PPP1R12B: variants seen among roughly 807,000 people sequenced by gnomAD.
The protein encoded by PPP1R12B is protein phosphatase 1 regulatory subunit 12B.
A neutral mutation model predicts 126.1 loss-of-function variants in PPP1R12B; 76 were observed. That is an observed-to-expected ratio of 0.60 (90% CI 0.50 to 0.73). The LOEUF is 0.73. PPP1R12B is among the 30% of genes least tolerant of loss of function. The probability of loss-of-function intolerance (pLI) is 0.00; values close to 1 mark genes in which losing one functional copy is unlikely to be tolerated. For synonymous variants in PPP1R12B, 356 were observed against 434.7 expected (o/e 0.82, Z 2.25); for missense variants, 1,052 against 1,205.1 (o/e 0.87, Z 1.88).
In PPP1R12B at chr1:202,591,998, T is replaced by C. The variant is rs906626587; in HGVS notation, c.*11438T>C. ...AAGCCCTGGACACCGTCCATTCTCA[T>C]GACACGGGACTGAGGGAGCAGGAGG... On this transcript the variant is annotated 3_prime_UTR_variant, in exon 24 of 24. Coordinates refer to ENST00000608999, the MANE Select transcript of PPP1R12B (RefSeq NM_002481.4). 2.0e-5 allele frequency: 3 copies of C among 152,878 alleles called. No individual in the cohort carries two copies. The highest frequency in any genetic ancestry group is 7.2e-5 in the African/African-American group (3 of 41,462). The allele number at this position is 152,878 out of a possible 1,614,324, so 9.5% of individuals were successfully genotyped here. A position where few individuals can be genotyped will look rare whatever the true frequency, so the allele number is the denominator to read the frequency against.
chr1:202,457,321 G>A (rs1174035274), intron 13 of PPP1R12B, among the ~76,000 whole-genome samples: 4 of 151,988 alleles, frequency 2.6e-5, no homozygotes, highest in South Asian at 2.1e-4. Context: ...AGGCCGAGGC[G>A]GGTGGACTGC....
chr1:202,432,675 T>C (rs1180445590), intron 8 of PPP1R12B, among the ~76,000 whole-genome samples: 1 of 152,196 alleles, frequency 6.6e-6, no homozygotes, highest in Non-Finnish European at 1.5e-5. Context: ...CAGGTTTTGA[T>C]TTATAGTCAG....
At chr1:202,553,506 A>G (rs3767401) in intron 18 of PPP1R12B, among the ~76,000 whole-genome samples, 62,364 of 152,028 alleles carry the variant, frequency 0.41, 14,748 homozygotes, top group East Asian at 0.7. Flanking sequence ...TGGAGAAAAG[A>G]TTCATGCCTT....
chr1:202,392,610 C>T (rs1664307688), intron 1 of PPP1R12B, among the ~76,000 whole-genome samples: 1 of 151,758 alleles, frequency 6.6e-6, no homozygotes, highest in South Asian at 2.1e-4. Flanking sequence ...CAACCTCTGC[C>T]TCCTGGGCTT....
At chr1:202,533,160 A>G (rs1684147818) in intron 18 of PPP1R12B, among the ~76,000 whole-genome samples, 1 of 151,960 alleles carries the variant, frequency 6.6e-6, no homozygotes, top group Non-Finnish European at 1.5e-5. Flanking sequence ...TGACACATTC[A>G]CATTTTTACC....
chr1:202,408,949 T>C lies in PPP1R12B; in HGVS notation c.292-7838T>C, dbSNP rs558421043. 5.9e-5 allele frequency among the ~76,000 whole-genome samples: 9 copies of C among 151,468 alleles called. No homozygotes were observed. The East Asian group carries it at 1.4e-3, about 23-fold the overall frequency. On this transcript the variant is annotated intron_variant, in intron 1 of 23. Transcript: ENST00000608999. The stretch of plus-strand genomic sequence containing the variant: ...ACCTCCCAGGCTCAAGCAATTCTTA[T>C]GCCTCAGCCTCCTAAGTAGCTGGGA...
intron 18 of PPP1R12B, 40 bp downstream of exon 18, chr1:202,496,862 A>C (rs533337780): frequency 1.3e-6 from 2 of 1,568,278 alleles, no homozygotes; most frequent in Admixed American, 3.4e-5. Flanking sequence ...TTGAGAGCAC[A>C]GTCTTGCTCT....
rs191009799 is a variant in PPP1R12B at position 202,513,668 on chromosome 1, C to G, written c.2490+16846C>G. On this transcript the variant is annotated intron_variant, in intron 18 of 23. Transcript: ENST00000608999. ...GTGATTCCCAACTTCTTTTCTTCCC[C>G]AGAATTCTGATGGATATGAGGTACT... Among the ~76,000 whole-genome samples the G allele has an allele frequency of 2.9e-4, 44 of 152,236 alleles. No homozygotes were observed. In the East Asian group the frequency reaches 6.8e-3, roughly 23 times the overall value.
intron 18 of PPP1R12B, among the ~76,000 whole-genome samples, chr1:202,501,354 A>G (rs952608696): frequency 2.6e-5 from 4 of 152,196 alleles, no homozygotes; most frequent in African/African-American, 9.7e-5. Context: ...TTTTACCTGC[A>G]TCTTTGGCCT....
At chr1:202,378,078 T>C (rs1013694226) in intron 1 of PPP1R12B, among the ~76,000 whole-genome samples, 2 of 151,704 alleles carry the variant, frequency 1.3e-5, no homozygotes, top group African/African-American at 4.8e-5. Flanking sequence ...GACCTCGTGA[T>C]CCGCCCGCCT....
At chr1:202,438,612 G>T in intron 10 of PPP1R12B, 1 of 496,882 alleles carries the variant, frequency 2.0e-6, no homozygotes. Context: ...CTGCCATGGA[G>T]CCTGAGCCCG....
At chr1:202,386,540 C>T (rs572676443) in intron 1 of PPP1R12B, among the ~76,000 whole-genome samples, 12 of 151,962 alleles carry the variant, frequency 7.9e-5, no homozygotes, top group Admixed American at 4.6e-4. Flanking sequence ...ACCGGGGTCT[C>T]GATCTCCTGA....
intron 18 of PPP1R12B, among the ~76,000 whole-genome samples, chr1:202,534,426 C>T (rs1159882734): frequency 6.6e-6 from 1 of 152,198 alleles, no homozygotes; most frequent in African/African-American, 2.4e-5. Flanking sequence ...AGGCCCCTTT[C>T]AGTGGACAGA....
chr1:202,405,542 T>TA (rs1482728811), intron 1 of PPP1R12B, among the ~76,000 whole-genome samples: 3 of 152,328 alleles, frequency 2.0e-5, no homozygotes, highest in Admixed American at 6.5e-5. Flanking sequence ...ACGTAACATT[T>TA]AACTGTGTGC....
At chr1:202,382,750 C>T (rs961250440) in intron 1 of PPP1R12B, among the ~76,000 whole-genome samples, 2 of 151,798 alleles carry the variant, frequency 1.3e-5, no homozygotes, top group African/African-American at 4.8e-5. Flanking sequence ...GTGGCATGCA[C>T]CTGTAATCCT....
rs1690019251 is a variant in PPP1R12B, at chr1:202,589,302, A to C, written c.*8742A>C. On this transcript the variant is annotated 3_prime_UTR_variant, in exon 24 of 24. Transcript: ENST00000608999. ...TCTGGGTCTGGTTTCTCCATCCAGC[A>C]AGCCCTGCCTCTGGCTTTGCTCAGC... 1 of 152,184 alleles carries C rather than the reference A, an allele frequency of 6.6e-6. No individual in the cohort carries two copies. Among genetic ancestry groups the C allele is most frequent in the African/African-American group, 2.4e-5 (1 of 41,436 alleles). The allele number at this position is 152,184 out of a possible 1,614,324, so 9.4% of individuals were successfully genotyped here.
At chr1:202,392,051 T>C (rs1031664474) in intron 1 of PPP1R12B, among the ~76,000 whole-genome samples, 1 of 54,974 alleles carries the variant, frequency 1.8e-5, no homozygotes, top group African/African-American at 7.6e-5. Flanking sequence ...TCAGGTGTAC[T>C]GAAGATAAAT....
Position 202,564,464 on chromosome 1 carries a change from GA to G in PPP1R12B, c.2678del (p.Asn893ThrfsTer4). The stretch of plus-strand genomic sequence containing the variant: ...CTAGCTCTATGAGAGTGCTCTGACT[GA>G]AAACCAAAAACTGAAAACAAAACTT... ...YKKLYESALTENQKLKTKLQE... is the reference protein window; with the variant it reads ...YKKLYESALTXNQKLKTKLQE... On this transcript the variant is annotated frameshift_variant, in exon 21 of 24. Coordinates refer to ENST00000608999, the MANE Select transcript of PPP1R12B (RefSeq NM_002481.4). LOFTEE classifies it high-confidence loss of function. 1 of 1,611,768 alleles carries G rather than the reference GA, an allele frequency of 6.2e-7. No individual in the cohort carries two copies. The highest frequency in any genetic ancestry group is 8.5e-7 in the Non-Finnish European group (1 of 1,178,992).
At chr1:202,377,176 G>T (rs1661304567) in intron 1 of PPP1R12B, among the ~76,000 whole-genome samples, 1 of 152,114 alleles carries the variant, frequency 6.6e-6, no homozygotes. Flanking sequence ...GAATACACTG[G>T]CTAATTAGTG....
Sources: gnomAD v4.1 joint callset for allele counts (sites outside exome capture counted in the v4.1 genomes callset) on GRCh38, gnomAD v4.1.1 for gene constraint, MANE v1.5 for transcripts, NCBI Gene and HGNC (gene_info 2026-07-23, HGNC 2026-07-21) for gene names.